Variants in SCG5 observed in about 807,000 individuals in gnomAD.
The protein encoded by SCG5 is secretogranin V, also known as neuroendocrine protein 7B2.
Under a neutral mutation model 25.7 loss-of-function variants are expected in SCG5, and 18 were observed. That is an observed-to-expected ratio of 0.70 (90% CI 0.48 to 1.04). The LOEUF (loss-of-function observed/expected upper bound fraction) is 1.04. Ranked by LOEUF, SCG5 falls within the 50% of genes least tolerant of loss-of-function variation. SCG5 has a pLI of 0.00. For synonymous variants in SCG5, 101 were observed against 91.7 expected (o/e 1.10, Z -0.58); for missense variants, 206 against 259.8 (o/e 0.79, Z 1.42).
intron 5 of SCG5, 94 bp from the exon 6 acceptor site, chr15:32,696,420 G>C (rs577918534): frequency 2.1e-6 from 2 of 952,968 alleles, no homozygotes; most frequent in African/African-American, 3.2e-5. Flanking sequence ...CCCGGCCCCA[G>C]AAACGATTCT....
chr15:32,653,095 A>G (rs955184590), intron 2 of SCG5, among the ~76,000 whole-genome samples: 1 of 152,234 alleles, frequency 6.6e-6, no homozygotes, highest in Non-Finnish European at 1.5e-5. Context: ...GCCTTATTGC[A>G]TGCACAAAAT....
At chr15:32,694,131 AAAAC>A (rs2054913599) in intron 5 of SCG5, among the ~76,000 whole-genome samples, 2 of 152,146 alleles carry the variant, frequency 1.3e-5, no homozygotes, top group African/African-American at 4.8e-5. Flanking sequence ...AAACAAAACA[AAAAC>A]AAACCCAAAG....
intron 1 of SCG5, 118 bp downstream of exon 1, chr15:32,641,896 G>A (rs1279636593): frequency 1.3e-5 from 2 of 152,268 alleles, no homozygotes; most frequent in African/African-American, 4.8e-5. Flanking sequence ...TCAGACGAAG[G>A]ATGCGTAGGG....
chr15:32,688,557 G>A (rs1244826520), intron 4 of SCG5, among the ~76,000 whole-genome samples: 2 of 152,104 alleles, frequency 1.3e-5, no homozygotes, highest in African/African-American at 4.8e-5. Flanking sequence ...GTCCTACTTA[G>A]TATTTTACAT....
chr15:32,655,772 C>T (rs945504290), intron 2 of SCG5, among the ~76,000 whole-genome samples: 16 of 152,284 alleles, frequency 1.1e-4, no homozygotes, highest in East Asian at 9.6e-4. Flanking sequence ...GGAGACGGAG[C>T]CACTGTGAGG....
chr15:32,684,803 G>T, intron 4 of SCG5, 134 bp downstream of exon 4: 2 of 640,766 alleles, frequency 3.1e-6, no homozygotes, highest in Admixed American at 5.5e-5. Context: ...ATCTCTGGTT[G>T]ACAGAGCTTC....
intron 3 of SCG5, among the ~76,000 whole-genome samples, chr15:32,684,028 G>A (rs1024476650): frequency 8.5e-5 from 13 of 152,204 alleles, no homozygotes; most frequent in African/African-American, 2.7e-4. Flanking sequence ...TGCCAGAGGC[G>A]CGTGAGGCTG....
At chr15:32,651,586 T>A (rs1164266534) in intron 2 of SCG5, among the ~76,000 whole-genome samples, 2 of 152,224 alleles carry the variant, frequency 1.3e-5, no homozygotes, top group Non-Finnish European at 2.9e-5. Context: ...ATCCTCACCC[T>A]GGAGGAACCA....
intron 5 of SCG5, chr15:32,692,044 C>G (rs898934021): frequency 2.5e-5 from 33 of 1,301,100 alleles, no homozygotes; most frequent in Non-Finnish European, 3.2e-5. Flanking sequence ...CTTCCCCCAT[C>G]AGTGTGGGAC....
intron 2 of SCG5, among the ~76,000 whole-genome samples, chr15:32,646,990 T>G (rs922250041): frequency 1.3e-5 from 2 of 152,218 alleles, no homozygotes; most frequent in African/African-American, 2.4e-5. Context: ...AATACTGTAT[T>G]CTGGTGTGAA....
chr15:32,656,812 G>T (rs1401968801), intron 2 of SCG5, among the ~76,000 whole-genome samples: 1 of 152,188 alleles, frequency 6.6e-6, no homozygotes, highest in East Asian at 1.9e-4. Context: ...GAAGGGTTTA[G>T]CAGACCACAA....
At chr15:32,645,074 A>C (rs1284530083) in intron 2 of SCG5, among the ~76,000 whole-genome samples, 2 of 152,254 alleles carry the variant, frequency 1.3e-5, no homozygotes, top group East Asian at 3.8e-4. Flanking sequence ...CATGGCTTGA[A>C]TTAGAACAAA....
chr15:32,667,802 A>G (rs1314734726), intron 2 of SCG5, among the ~76,000 whole-genome samples: 6 of 151,806 alleles, frequency 4.0e-5, no homozygotes, highest in Non-Finnish European at 8.8e-5. Context: ...CCTTTCGAGT[A>G]ACTGGGACTA....
Position 32,648,832 on chromosome 15 carries a change from T to C in SCG5, c.226+5014T>C, listed in dbSNP as rs1165292942. Among the ~76,000 whole-genome samples the C allele has an allele frequency of 6.6e-5, 10 of 151,214 alleles. No homozygotes were observed. The East Asian group carries it at 1.9e-3, about 29-fold the overall frequency. On this transcript the variant is annotated intron_variant, in intron 2 of 5. Coordinates refer to ENST00000300175, the MANE Select transcript of SCG5 (RefSeq NM_001144757.3). ...TGTCCCCCAGGCTGGAGTGCAATGG[T>C]GCGATCTCGGCTCACTGCAAGCTCC...
intron 3 of SCG5, among the ~76,000 whole-genome samples, chr15:32,680,450 G>A (rs1024098476): frequency 1.3e-5 from 2 of 151,406 alleles, no homozygotes; most frequent in South Asian, 2.1e-4. Context: ...CACCCTCCTC[G>A]GCCTCCCAAA....
At position 32,659,576 on chromosome 15, in the gene SCG5, C is replaced by G. The variant is rs561155367; in HGVS notation, c.226+15758C>G. On this transcript the variant is annotated intron_variant, in intron 2 of 5. Transcript: ENST00000300175. Reference sequence around the variant, plus strand: ...TGGTCAGTTCCCCCAGTGGCCTGTTCAAGTTTTTCTTTGCATGAGACAGAG... The same window carrying G: ...TGGTCAGTTCCCCCAGTGGCCTGTTGAAGTTTTTCTTTGCATGAGACAGAG... Among the ~76,000 whole-genome samples, 159 of 152,326 alleles carry G rather than the reference C, an allele frequency of 1.0e-3. 4 individuals are homozygous for G. Among genetic ancestry groups the G allele is most frequent in the African/African-American group, 3.5e-3 (147 of 41,574 alleles).
chr15:32,663,450 C>G (rs949828007), intron 2 of SCG5, among the ~76,000 whole-genome samples: 3 of 152,138 alleles, frequency 2.0e-5, no homozygotes, highest in African/African-American at 7.2e-5. Context: ...ACTGCTTGTC[C>G]TAGCCAATGC....
At chr15:32,647,487 G>T (rs376351282) in intron 2 of SCG5, among the ~76,000 whole-genome samples, 2 of 152,022 alleles carry the variant, frequency 1.3e-5, no homozygotes, top group East Asian at 3.9e-4. Context: ...TTAGGTCAGT[G>T]AGGTATCATA....
At chr15:32,647,506 T>TA (rs923752332) in intron 2 of SCG5, among the ~76,000 whole-genome samples, 1 of 151,954 alleles carries the variant, frequency 6.6e-6, no homozygotes, top group African/African-American at 2.4e-5. Flanking sequence ...TATATCCCAT[T>TA]AAAAAAAACA....
Sources: gnomAD v4.1 joint callset for allele counts (sites outside exome capture counted in the v4.1 genomes callset) on GRCh38, gnomAD v4.1.1 for gene constraint, MANE v1.5 for transcripts, NCBI Gene and HGNC (gene_info 2026-07-23, HGNC 2026-07-21) for gene names.